The following CRHR2 variants were observed in gnomAD, a reference collection of about 807,000 sequenced individuals.
CRHR2 encodes the protein corticotropin releasing hormone receptor 2.
Under a neutral mutation model 57.9 loss-of-function variants are expected in CRHR2, and 53 were observed. That is an observed-to-expected ratio of 0.92 (90% CI 0.73 to 1.15). CRHR2 has a LOEUF of 1.15. Among genes scored for constraint, CRHR2 ranks in the 50% most tolerant of loss-of-function variants. CRHR2 has a pLI of 0.00. For missense variants in CRHR2, 532 were observed against 542.6 expected, an observed-to-expected ratio of 0.98 and a Z score of 0.19; for synonymous variants, 213 against 220.9, an observed-to-expected ratio of 0.96 and a Z score of 0.32.
At chr7:30,668,407 T>A (rs1461709875) in intron 2 of CRHR2, among the ~76,000 whole-genome samples, 1 of 152,050 alleles carries the variant, frequency 6.6e-6, no homozygotes, top group Admixed American at 6.5e-5. Flanking sequence ...TTCCATTGTT[T>A]GGGGGTGATT....
intron 2 of CRHR2, among the ~76,000 whole-genome samples, chr7:30,667,959 T>C (rs966186270): frequency 1.3e-5 from 2 of 152,340 alleles, no homozygotes; most frequent in Middle Eastern, 3.4e-3. Context: ...GTTCTTAACC[T>C]TTAGGCCATA....
upstream of CRHR2, among the ~76,000 whole-genome samples, chr7:30,687,246 G>C (rs1784873009): frequency 6.6e-6 from 1 of 152,030 alleles, no homozygotes; most frequent in Non-Finnish European, 1.5e-5. Flanking sequence ...TGAAGCTCGA[G>C]GGGCTCCCTA....
chr7:30,694,713 A>G (rs1785023937), intron 1 of CRHR2, among the ~76,000 whole-genome samples: 1 of 151,938 alleles, frequency 6.6e-6, no homozygotes. Flanking sequence ...AGTGGATTTC[A>G]TTGAGCCTGA....
At chr7:30,673,510 G>A (rs1784428404) in intron 2 of CRHR2, among the ~76,000 whole-genome samples, 1 of 152,174 alleles carries the variant, frequency 6.6e-6, no homozygotes, top group Admixed American at 6.5e-5. Context: ...GAGCCACCAT[G>A]CCTGGCCATC....
At chr7:30,680,322 C>A (rs1374227336) in intron 2 of CRHR2, among the ~76,000 whole-genome samples, 1 of 152,212 alleles carries the variant, frequency 6.6e-6, no homozygotes, top group Non-Finnish European at 1.5e-5. Context: ...CTCAGCTTGG[C>A]TATGAAGAAG....
chr7:30,689,213 G>A (rs1784911790), exon 2 of CRHR2: 2 of 1,550,488 alleles, frequency 1.3e-6, no homozygotes, highest in Non-Finnish European at 1.7e-6. Context: ...TGAGGGTCAT[G>A]ATGGTGTGGC....
chr7:30,696,380 A>T (rs981414138), intron 1 of CRHR2, among the ~76,000 whole-genome samples: 1 of 152,194 alleles, frequency 6.6e-6, no homozygotes, highest in African/African-American at 2.4e-5. Flanking sequence ...AAAATATCTC[A>T]TGTATCCCAC....
chr7:30,697,153 G>A (rs965112183), intron 1 of CRHR2, among the ~76,000 whole-genome samples: 2 of 152,172 alleles, frequency 1.3e-5, no homozygotes, highest in African/African-American at 4.8e-5. Context: ...GGTGTGAGCC[G>A]GACAGGTCAG....
exon 1 of CRHR2, chr7:30,700,021 A>AGG (rs1785140511): frequency 7.0e-7 from 1 of 1,430,204 alleles, no homozygotes; most frequent in Non-Finnish European, 9.1e-7. Context: ...GGGGGCCCTG[A>AGG]GGGACCCCTC....
At chr7:30,654,309 C>T (rs1783692427) in intron 11 of CRHR2, among the ~76,000 whole-genome samples, 1 of 152,212 alleles carries the variant, frequency 6.6e-6, no homozygotes, top group African/African-American at 2.4e-5. Context: ...CTCTCTTCTT[C>T]TCATCCAGCC....
Position 30,681,965 on chromosome 7 carries a change from A to G in CRHR2, c.179T>C (p.Val60Ala), listed in dbSNP as rs1784724673. Residue 60 changes from valine to alanine, a missense_variant, in exon 2 of 12, where the codon GTG becomes GCG. By Grantham distance (64) the Val-to-Ala change is moderately conservative. Coordinates refer to ENST00000471646, the MANE Select transcript of CRHR2 (RefSeq NM_001883.5). ...GAAGTACTCGGGGCACGGCCTCTCCACGAGGGCTCCGGCAGCGCTGCGGGG... is the reference window on the plus strand; with the variant it reads ...GAAGTACTCGGGGCACGGCCTCTCCGCGAGGGCTCCGGCAGCGCTGCGGGG... The part of the protein sequence containing the change: ...CWPRSAAGAL[V>A]ERPCPEYFNG... The G allele has an allele frequency of 6.2e-7, 1 of 1,611,618 alleles. No homozygotes were observed. The highest frequency in any genetic ancestry group is 1.1e-5 in the South Asian group (1 of 90,498).
rs1562798628 is a variant in CRHR2, at chr7:30,665,845, A to G, written c.316-206T>C. Among the ~76,000 whole-genome samples, 2 of 152,012 alleles carry G rather than the reference A, an allele frequency of 1.3e-5. No individual in the cohort carries two copies. The highest frequency in any genetic ancestry group is 2.4e-5 in the African/African-American group (1 of 41,378). On this transcript the variant is annotated intron_variant, in intron 3 of 11. Transcript: ENST00000471646. This position sits in a 1 kb window ranked among gnomAD's most constrained non-coding sequence, Gnocchi z 4.5. ...AATGGCTGTGGTCAGGCCTTCCAAC[A>G]TGCATTTATTTTTATTTTTTTAGAG...
chr7:30,661,770 GTTAAATGCTCATGGACTCT>G (rs1784008163), intron 7 of CRHR2, among the ~76,000 whole-genome samples: 2 of 152,172 alleles, frequency 1.3e-5, no homozygotes, highest in Non-Finnish European at 1.5e-5. Flanking sequence ...AACAAGCTCT[GTTAAATGCTCATGGACTCT>G]TTAAATGCTC....
intron 2 of CRHR2, among the ~76,000 whole-genome samples, chr7:30,677,167 G>A (rs1372976156): frequency 6.6e-6 from 1 of 152,028 alleles, no homozygotes; most frequent in African/African-American, 2.4e-5. Context: ...AGATGGAGTC[G>A]GGGGATGAAG....
At position 30,653,588 on chromosome 7, in the gene CRHR2, C is replaced by T. The variant is rs79671818; in HGVS notation, c.1108G>A (p.Val370Met). 8.1e-5 allele frequency: 131 copies of T among 1,610,844 alleles called. No individual in the cohort carries two copies. The East Asian group carries it at 1.5e-3, about 19-fold the overall frequency. ...CFFNGEVRSA[V>M]RKRWHRWQDH... is the part of the protein sequence containing the mutation. ...TGCCAGCGGTGCCACCTCTTCCTCA[C>T]GGCTGAGCGCACCTGTGGGGAAGGC... Residue 370 changes from valine to methionine, a missense_variant, in exon 12 of 12, where the codon GTG becomes ATG. By Grantham distance (21) the Val-to-Met change is conservative. Coordinates refer to ENST00000471646, the MANE Select transcript of CRHR2 (RefSeq NM_001883.5). The surrounding 1 kb of genome is among the most constrained non-coding windows in gnomAD (Gnocchi z 5.0).
chr7:30,654,297 C>G (rs1783691439), intron 11 of CRHR2, among the ~76,000 whole-genome samples: 2 of 152,288 alleles, frequency 1.3e-5, no homozygotes, highest in South Asian at 2.1e-4. Flanking sequence ...CTTACTGGCC[C>G]CCTCTCTTCT....
At chr7:30,654,691 T>C (rs763203256) in intron 11 of CRHR2, 3 of 1,536,088 alleles carry the variant, frequency 2.0e-6, no homozygotes, top group Middle Eastern at 1.7e-4. Context: ...CCTGAGTCCA[T>C]ACAGACCTGA....
upstream of CRHR2, among the ~76,000 whole-genome samples, chr7:30,683,116 C>T (rs980632367): frequency 6.6e-5 from 10 of 152,072 alleles, no homozygotes; most frequent in Admixed American, 6.5e-4. Flanking sequence ...AAGTAGGAGC[C>T]CAGAGGCAGG....
chr7:30,671,991 G>A (rs566598260), intron 2 of CRHR2, among the ~76,000 whole-genome samples: 2 of 152,180 alleles, frequency 1.3e-5, no homozygotes, highest in Non-Finnish European at 2.9e-5. Context: ...TTTACAGAAG[G>A]AATGAAGTCA....
Sources: allele counts gnomAD v4.1 joint callset (sites outside exome capture counted in the v4.1 genomes callset), GRCh38; gene constraint gnomAD v4.1.1; non-coding constraint Gnocchi (gnomAD v3.1); transcripts MANE v1.5; gene names NCBI Gene and HGNC (gene_info 2026-07-23, HGNC 2026-07-21).